Variants in ARHGEF3 observed in about 807,000 individuals in gnomAD.
ARHGEF3 encodes the protein Rho guanine nucleotide exchange factor 3.
A neutral mutation model predicts 63.2 loss-of-function variants in ARHGEF3; 28 were observed. That is an observed-to-expected ratio of 0.44 (90% CI 0.33 to 0.61). The LOEUF (loss-of-function observed/expected upper bound fraction) is 0.61. ARHGEF3 is among the 20% of genes least tolerant of loss of function. The pLI is 0.03. For missense variants in ARHGEF3, 533 were observed against 659.3 expected (o/e 0.81, Z 2.10); for synonymous variants, 266 against 254.2 (o/e 1.05, Z -0.44).
intron 4 of ARHGEF3, 80 bp downstream of exon 4, chr3:56,753,424 G>T: frequency 8.1e-7 from 1 of 1,232,194 alleles, no homozygotes; most frequent in Non-Finnish European, 1.2e-6. Context: ...CAGTTCTCAC[G>T]AAGCACCACT....
intron 3 of ARHGEF3, among the ~76,000 whole-genome samples, chr3:56,941,219 T>G (rs572488727): frequency 2.6e-5 from 4 of 152,336 alleles, no homozygotes; most frequent in African/African-American, 9.6e-5. Flanking sequence ...GCACATGTTC[T>G]GTTTTTGAGG....
At chr3:56,795,553 T>C (rs2037307104) in intron 1 of ARHGEF3, among the ~76,000 whole-genome samples, 1 of 151,954 alleles carries the variant, frequency 6.6e-6, no homozygotes, top group Non-Finnish European at 1.5e-5. Flanking sequence ...AAACAGAAAG[T>C]CCGGGCACAA....
chr3:56,831,051 G>C (rs1008621190), intron 4 of ARHGEF3, among the ~76,000 whole-genome samples: 1 of 152,206 alleles, frequency 6.6e-6, no homozygotes, highest in Non-Finnish European at 1.5e-5. Flanking sequence ...TGAAGACAGA[G>C]ATCTTGTCCC....
chr3:56,764,045 T>C (rs1215724557), intron 2 of ARHGEF3, among the ~76,000 whole-genome samples: 1 of 148,138 alleles, frequency 6.8e-6, no homozygotes, highest in Non-Finnish European at 1.5e-5. Context: ...CTGATTCAGA[T>C]TGATGCACAT....
chr3:56,830,193 G>A (rs2038881334), intron 4 of ARHGEF3, among the ~76,000 whole-genome samples: 1 of 152,168 alleles, frequency 6.6e-6, no homozygotes, highest in Admixed American at 6.5e-5. Flanking sequence ...TGGGATGGTG[G>A]TAATGACAGT....
At chr3:56,875,159 G>C (rs772642222) in intron 4 of ARHGEF3, among the ~76,000 whole-genome samples, 4 of 152,072 alleles carry the variant, frequency 2.6e-5, no homozygotes, top group Non-Finnish European at 5.9e-5. Flanking sequence ...GTAATATGAG[G>C]ATTAAATAAT....
rs114693658 is a variant in ARHGEF3, at chr3:56,850,650, A to G, written c.192+31642T>C. Among the ~76,000 whole-genome samples, 909 of 152,358 alleles carry G rather than the reference A, an allele frequency of 6.0e-3. 8 individuals carry two copies. The highest frequency in any genetic ancestry group is 0.034 in the South Asian group (165 of 4,826). On this transcript the variant is annotated intron_variant, in intron 4 of 12. Coordinates refer to the ARHGEF3 transcript ENST00000338458. Reference sequence around the variant, plus strand: ...TTAACTCATGGTATAGTCAAAAAATAATTTACAAAATTGAATTGTGTATTC... The same window carrying G: ...TTAACTCATGGTATAGTCAAAAAATGATTTACAAAATTGAATTGTGTATTC...
Position 56,745,430 on chromosome 3 carries a change from G to A in ARHGEF3, c.645C>T (p.Cys215=). 6.2e-7 allele frequency: 1 copy of A among 1,614,080 alleles called. No individual in the cohort carries two copies. Among genetic ancestry groups the A allele is most frequent in the Non-Finnish European group, 8.5e-7 (1 of 1,180,020 alleles). Residue 215 remains cysteine (C), a synonymous_variant, in exon 7 of 10, where the codon TGC becomes TGT. Coordinates refer to ENST00000296315, the MANE Select transcript of ARHGEF3 (RefSeq NM_019555.3). ...LPCLSSYDSY[C]SNQVAAKALL... ...GAGCTTTGGCGGCTACTTGATTGCT[G>A]CAGTAGCTATCATAGGAGCTGAGGC...
chr3:56,789,740 C>T (rs1196582045), intron 1 of ARHGEF3, among the ~76,000 whole-genome samples: 1 of 152,136 alleles, frequency 6.6e-6, no homozygotes, highest in East Asian at 1.9e-4. Context: ...TCATTTTTTA[C>T]TTAAAAACTT....
At chr3:56,945,108 GTTATC>G (rs1699413021) in intron 3 of ARHGEF3, among the ~76,000 whole-genome samples, 1 of 152,154 alleles carries the variant, frequency 6.6e-6, no homozygotes, top group South Asian at 2.1e-4. Flanking sequence ...AAATGTCATT[GTTATC>G]TTATTTTAAG....
At chr3:56,747,104 A>T (rs2034438059) in intron 6 of ARHGEF3, among the ~76,000 whole-genome samples, 2 of 146,796 alleles carry the variant, frequency 1.4e-5, no homozygotes, top group African/African-American at 2.5e-5. Context: ...GAGAACCCAA[A>T]CGTGGTACTG....
chr3:56,898,089 A>G (rs888518033), intron 3 of ARHGEF3, among the ~76,000 whole-genome samples: 1 of 152,138 alleles, frequency 6.6e-6, no homozygotes, highest in Admixed American at 6.5e-5. Flanking sequence ...TTTGTTGCCC[A>G]GGCTCGTCTC....
chr3:56,943,667 C>A (rs1413308828), intron 3 of ARHGEF3, among the ~76,000 whole-genome samples: 1 of 152,144 alleles, frequency 6.6e-6, no homozygotes, highest in Non-Finnish European at 1.5e-5. Context: ...GTAATCCCAG[C>A]ACTTTGGGAG....
chr3:56,738,236 C>T (rs1257673831), intron 7 of ARHGEF3, among the ~76,000 whole-genome samples: 1 of 152,134 alleles, frequency 6.6e-6, no homozygotes, highest in East Asian at 1.9e-4. Context: ...AACAGGGTTT[C>T]ACCATGTTGG....
At chr3:56,792,414 A>AT (rs1463102848) in intron 1 of ARHGEF3, among the ~76,000 whole-genome samples, 4 of 152,180 alleles carry the variant, frequency 2.6e-5, no homozygotes, top group Non-Finnish European at 5.9e-5. Context: ...GCCAGAGGCC[A>AT]TGGTCATGGA....
At chr3:56,793,002 T>A (rs528997792) in intron 1 of ARHGEF3, among the ~76,000 whole-genome samples, 22 of 151,916 alleles carry the variant, frequency 1.4e-4, no homozygotes, top group South Asian at 4.2e-4. Context: ...GTTTTTTTTT[T>A]TTTTTATTTT....
rs149112322 is a variant in ARHGEF3 at position 56,942,492 on chromosome 3, A to G, written c.129+16331T>C. Among the ~76,000 whole-genome samples the G allele has an allele frequency of 6.6e-5, 10 of 152,308 alleles. No individual in the cohort carries two copies. In the East Asian group the frequency reaches 1.7e-3, roughly 26 times the overall value. On this transcript the variant is annotated intron_variant, in intron 3 of 12. Transcript: ENST00000338458. ...TAAATGTGTGTGTTCTGACTGCTCT[A>G]TCAACCAACCATCCCATCTCTCTCC...
Position 56,971,515 on chromosome 3 carries a change from C to G in ARHGEF3, c.63-12626G>C, listed in dbSNP as rs1700910211. On this transcript the variant is annotated intron_variant, in intron 2 of 12. Coordinates refer to the ARHGEF3 transcript ENST00000338458. ...CATGAGGGATTTAATGAGAGATGGA[C>G]AGTCAGGCCCCAACATGACCCTTTC... Among the ~76,000 whole-genome samples, 5 of 152,062 alleles carry G rather than the reference C, an allele frequency of 3.3e-5. No homozygotes were observed. The South Asian group carries it at 1.0e-3, about 32-fold the overall frequency.
At chr3:56,988,831 T>G (rs1490648705) in intron 2 of ARHGEF3, among the ~76,000 whole-genome samples, 1 of 152,234 alleles carries the variant, frequency 6.6e-6, no homozygotes, top group Non-Finnish European at 1.5e-5. Flanking sequence ...CGTTTCTGTC[T>G]GAATCTTGTG....
Sources: gnomAD v4.1 joint callset for allele counts (sites outside exome capture counted in the v4.1 genomes callset) on GRCh38, gnomAD v4.1.1 for gene constraint, MANE v1.5 for transcripts, NCBI Gene and HGNC (gene_info 2026-07-23, HGNC 2026-07-21) for gene names.